The following SEC14L1 variants were observed in gnomAD, a reference collection of about 807,000 sequenced individuals.
SEC14L1 encodes the protein SEC14 like lipid binding 1, also known as SEC14-like protein 1.
In SEC14L1, 48 loss-of-function variants were observed where a neutral mutation model predicts 85.3. The observed-to-expected ratio is 0.56, with a 90% confidence interval of 0.45 to 0.72. The LOEUF is 0.72. Ranked by LOEUF, SEC14L1 falls within the 30% of genes least tolerant of loss-of-function variation. SEC14L1 has a pLI of 0.00. For synonymous variants in SEC14L1, 391 were observed against 355.5 expected (o/e 1.10, Z -1.12); for missense variants, 682 against 921.4 (o/e 0.74, Z 3.36).
chr17:77,125,867 T>C (rs1157580189), intron 3 of SEC14L1, among the ~76,000 whole-genome samples: 1 of 152,090 alleles, frequency 6.6e-6, no homozygotes, highest in Non-Finnish European at 1.5e-5. Context: ...ACAGAAGGAA[T>C]GGGGCCGGGC....
At chr17:77,095,890 G>A (rs907245749) in intron 3 of SEC14L1, among the ~76,000 whole-genome samples, 4 of 151,956 alleles carry the variant, frequency 2.6e-5, no homozygotes, top group East Asian at 3.9e-4. Context: ...TAATGGGCGC[G>A]CTCCTCCTAC....
chr17:77,212,126 C>T lies in SEC14L1; in HGVS notation c.1788C>T (p.Asp596=). The part of the protein sequence containing the change: ...SPGGNNVQLI[D]KVWQLGRDYS... The stretch of plus-strand genomic sequence containing the variant: ...GTGGGAACAATGTGCAGCTCATAGA[C>T]AAAGTCTGGCAGCTGGGCCGCGACT... Residue 596 remains aspartate (D), a synonymous_variant, in exon 15 of 17, where the codon GAC becomes GAT. Coordinates refer to ENST00000436233, the MANE Select transcript of SEC14L1 (RefSeq NM_001143998.2). The T allele has an allele frequency of 6.2e-7, 1 of 1,614,152 alleles. No homozygotes were observed.
At position 77,194,329 on chromosome 17, in the gene SEC14L1, C is replaced by T. The variant is rs1468891755; in HGVS notation, c.475-348C>T. Reference sequence around the variant, plus strand: ...CAGCACTTTGGGAGGCTGAGGTGGACAGATTGCTCGAGCCCAAGAGTTCGA... The same window carrying T: ...CAGCACTTTGGGAGGCTGAGGTGGATAGATTGCTCGAGCCCAAGAGTTCGA... On this transcript the variant is annotated intron_variant, in intron 6 of 16. Transcript: ENST00000436233. 6.6e-5 allele frequency among the ~76,000 whole-genome samples: 10 copies of T among 152,174 alleles called. No homozygotes were observed. In the East Asian group the frequency reaches 1.9e-3, roughly 29 times the overall value.
At chr17:77,089,066 C>G (rs1196645650) in intron 1 of SEC14L1, 1 of 198,296 alleles carries the variant, frequency 5.0e-6, no homozygotes, top group Non-Finnish European at 1.1e-5. Flanking sequence ...GGGTCCCTGG[C>G]TGGGTTAGCC....
intron 3 of SEC14L1, among the ~76,000 whole-genome samples, chr17:77,173,799 TTCTATTG>T (rs1974628786): frequency 6.6e-6 from 1 of 152,234 alleles, no homozygotes; most frequent in Non-Finnish European, 1.5e-5. Context: ...TCCCGGGAAA[TTCTATTG>T]TCTTGCTTGG....
chr17:77,184,315 T>C (rs1975172376), intron 3 of SEC14L1, among the ~76,000 whole-genome samples: 2 of 152,254 alleles, frequency 1.3e-5, no homozygotes. Flanking sequence ...GATGATAATT[T>C]GAGGCCCTGT....
chr17:77,157,925 T>C (rs1310604048), intron 3 of SEC14L1, among the ~76,000 whole-genome samples: 2 of 152,222 alleles, frequency 1.3e-5, no homozygotes, highest in Admixed American at 1.3e-4. Context: ...GGATTTAACA[T>C]ACACTAGAAG....
At chr17:77,109,298 CTTGCTATG>C (rs2143353716) in intron 3 of SEC14L1, among the ~76,000 whole-genome samples, 1 of 151,422 alleles carries the variant, frequency 6.6e-6, no homozygotes, top group East Asian at 2.0e-4. Context: ...GAGATGATAT[CTTGCTATG>C]TTGCCCAGGC....
intron 3 of SEC14L1, among the ~76,000 whole-genome samples, chr17:77,123,517 T>C (rs1730038749): frequency 6.8e-6 from 1 of 147,458 alleles, no homozygotes; most frequent in Admixed American, 7.0e-5. Flanking sequence ...GTTCAAGCGA[T>C]TCTCCCACCT....
chr17:77,115,060 A>G (rs1972141814), intron 3 of SEC14L1, among the ~76,000 whole-genome samples: 1 of 152,122 alleles, frequency 6.6e-6, no homozygotes, highest in Non-Finnish European at 1.5e-5. Context: ...ACCAGTCACA[A>G]ATAAACTGGG....
chr17:77,146,763 A>C (rs753013542), intron 3 of SEC14L1, among the ~76,000 whole-genome samples: 2 of 152,166 alleles, frequency 1.3e-5, no homozygotes, highest in Non-Finnish European at 2.9e-5. Context: ...CTGTAGTATA[A>C]AGAAAACATT....
At chr17:77,158,117 T>G (rs1973890140) in intron 3 of SEC14L1, among the ~76,000 whole-genome samples, 1 of 152,266 alleles carries the variant, frequency 6.6e-6, no homozygotes, top group African/African-American at 2.4e-5. Context: ...CTCGAACTCC[T>G]GACCTCATGA....
intron 5 of SEC14L1, 31 bp downstream of exon 5, chr17:77,191,343 T>C (rs531791468): frequency 1.2e-6 from 2 of 1,612,704 alleles, no homozygotes; most frequent in Non-Finnish European, 1.7e-6. Flanking sequence ...CGGAAGATGT[T>C]CTGCCGACAT....
At chr17:77,169,830 AT>A (rs1216309223) in intron 3 of SEC14L1, among the ~76,000 whole-genome samples, 5 of 152,148 alleles carry the variant, frequency 3.3e-5, no homozygotes, top group Admixed American at 2.0e-4. Context: ...ATTAATAGAG[AT>A]TTGCACAGGG....
chr17:77,203,770 A>G (rs1222352970), intron 10 of SEC14L1, 112 bp downstream of exon 10: 13 of 727,874 alleles, frequency 1.8e-5, no homozygotes, highest in Non-Finnish European at 2.8e-5. Flanking sequence ...TTGCTTATGT[A>G]GTTAGGACTG....
At chr17:77,169,382 T>A (rs959710755) in intron 3 of SEC14L1, among the ~76,000 whole-genome samples, 1 of 152,120 alleles carries the variant, frequency 6.6e-6, no homozygotes, top group Admixed American at 6.6e-5. Flanking sequence ...TCTTGCATGC[T>A]CTCTCCCAGG....
rs1976993936 is a variant in SEC14L1, at chr17:77,215,535, A to G, written c.*1512A>G. The G allele has an allele frequency of 4.1e-6, 4 of 986,336 alleles. No homozygotes were observed. Among genetic ancestry groups the G allele is most frequent in the African/African-American group, 1.8e-5 (1 of 57,124 alleles). 61.1% of individuals were successfully genotyped at this position (986,336 alleles called of 1,614,324 possible). A position where few individuals can be genotyped will look rare whatever the true frequency, so the allele number is the denominator to read the frequency against. ...ATGTGTGCCCCGTGCAGGGATCAGG[A>G]GGGCGGGGGAGGGACCGAGCAGCCC... On this transcript the variant is annotated 3_prime_UTR_variant, in exon 17 of 17. Transcript: ENST00000436233.
At chr17:77,201,312 G>A (rs753358341) in intron 9 of SEC14L1, among the ~76,000 whole-genome samples, 31 of 152,318 alleles carry the variant, frequency 2.0e-4, no homozygotes, top group African/African-American at 3.6e-4. Flanking sequence ...AAACGTCGGC[G>A]AGAGGGAAGC....
At chr17:77,193,698 AG>A (rs36001294) in intron 6 of SEC14L1, 149 bp downstream of exon 6, 8 of 814,556 alleles carry the variant, frequency 9.8e-6, no homozygotes, top group Non-Finnish European at 1.3e-5. Context: ...CCTCATCTTT[AG>A]GTATAGGGGT....
Sources: allele counts gnomAD v4.1 joint callset (sites outside exome capture counted in the v4.1 genomes callset), GRCh38; gene constraint gnomAD v4.1.1; transcripts MANE v1.5; gene names NCBI Gene and HGNC (gene_info 2026-07-23, HGNC 2026-07-21).